The following MAPK6 variants were observed in gnomAD, a reference collection of about 807,000 sequenced individuals.
MAPK6 encodes ERK-3.
In MAPK6, 19 loss-of-function variants were observed where a neutral mutation model predicts 59.3. The observed-to-expected ratio is 0.32, with a 90% confidence interval of 0.22 to 0.47. The LOEUF is 0.47. MAPK6 is among the 20% of genes least tolerant of loss of function. MAPK6 has a pLI of 1.00. For synonymous variants in MAPK6, 316 were observed against 290.3 expected, an observed-to-expected ratio of 1.09 and a Z score of -0.90; for missense variants, 724 against 847.9, an observed-to-expected ratio of 0.85 and a Z score of 1.81.
At chr15:52,002,191 T>G (rs2057243971) in intron 2 of MAPK6, among the ~76,000 whole-genome samples, 1 of 152,220 alleles carries the variant, frequency 6.6e-6, no homozygotes, top group African/African-American at 2.4e-5. Context: ...AATAACCATA[T>G]AATCCCATTG....
chr15:52,016,070 GCACACACACACACACACACACA>G (rs1175427042), upstream of MAPK6, among the ~76,000 whole-genome samples: 7 of 55,392 alleles, frequency 1.3e-4, no homozygotes, highest in Admixed American at 1.4e-3. Flanking sequence ...GCGCGCGCGC[GCACACACACACACACACACACA>G]CACACACACA....
chr15:52,028,215 G>C (rs1253625290), intron 1 of MAPK6, among the ~76,000 whole-genome samples: 1 of 151,842 alleles, frequency 6.6e-6, no homozygotes, highest in Non-Finnish European at 1.5e-5. Context: ...GCCTCCCAAA[G>C]TGCTGGGATT....
At chr15:52,059,254 A>T (rs1215398607) in intron 4 of MAPK6, among the ~76,000 whole-genome samples, 3 of 152,308 alleles carry the variant, frequency 2.0e-5, no homozygotes, top group African/African-American at 7.2e-5. Flanking sequence ...CTGTCACAAC[A>T]TCCCTGTTCA....
At position 52,046,016 on chromosome 15, in the gene MAPK6, A is replaced by C. The variant is rs1365952087; in HGVS notation, c.-445A>C. 1 of 155,554 alleles carries C rather than the reference A, an allele frequency of 6.4e-6. No homozygotes were observed. Among genetic ancestry groups the C allele is most frequent in the African/African-American group, 2.4e-5 (1 of 41,478 alleles). The allele number at this position is 155,554 out of a possible 1,614,324, so 9.6% of individuals were successfully genotyped here. A position where few individuals can be genotyped will look rare whatever the true frequency, so the allele number is the denominator to read the frequency against. ...TAGTGCTTACCAGCACCTTAGAATGATGCTGCTCAGGACCAGTCCAACACT... is the reference window on the plus strand; with the variant it reads ...TAGTGCTTACCAGCACCTTAGAATGCTGCTGCTCAGGACCAGTCCAACACT... On this transcript the variant is annotated 5_prime_UTR_variant, in exon 2 of 6. The change abolishes an upstream ATG in the 5' untranslated region. Coordinates refer to ENST00000261845, the MANE Select transcript of MAPK6 (RefSeq NM_002748.4).
chr15:52,012,879 C>T (rs1026902712), intron 3 of MAPK6, among the ~76,000 whole-genome samples: 5 of 149,444 alleles, frequency 3.3e-5, no homozygotes, highest in South Asian at 4.2e-4. Context: ...CCCAGCTACT[C>T]GGGAGGATGA....
chr15:51,999,551 G>A (rs781505549), intron 2 of MAPK6, among the ~76,000 whole-genome samples: 2 of 151,918 alleles, frequency 1.3e-5, no homozygotes, highest in African/African-American at 2.4e-5. Flanking sequence ...TATATTATTT[G>A]CAAATATTTT....
In MAPK6 at chr15:52,064,931, T is replaced by A. The variant is rs762172614; in HGVS notation, c.2097T>A (p.Pro699=). ...PLKSIQATLT[P]SAMKSSPQIP... is the part of the protein sequence containing the mutation. ...AGTCAATACAGGCCACATTAACACCTTCTGCTATGAAATCTTCCCCTCAAA... is the reference window on the plus strand; with the variant it reads ...AGTCAATACAGGCCACATTAACACCATCTGCTATGAAATCTTCCCCTCAAA... Residue 699 remains proline (P), a synonymous_variant, in exon 6 of 6, where the codon CCT becomes CCA. Transcript: ENST00000261845. 4.3e-5 allele frequency: 69 copies of A among 1,611,704 alleles called. No homozygotes were observed. Among genetic ancestry groups the A allele is most frequent in the Non-Finnish European group, 5.4e-5 (64 of 1,179,722 alleles).
intron 1 of MAPK6, among the ~76,000 whole-genome samples, chr15:52,021,846 AAGAC>A (rs2030541536): frequency 6.6e-6 from 1 of 152,224 alleles, no homozygotes; most frequent in East Asian, 1.9e-4. Context: ...TGTTTTAATA[AAGAC>A]AATTTGAAAT....
chr15:52,036,606 C>T (rs545126804), intron 1 of MAPK6, among the ~76,000 whole-genome samples: 2 of 152,174 alleles, frequency 1.3e-5, no homozygotes, highest in Middle Eastern at 3.2e-3. Context: ...CTAACACTTG[C>T]ATTGAGGATT....
chr15:52,032,186 AT>A (rs566086048), intron 1 of MAPK6, among the ~76,000 whole-genome samples: 5,580 of 92,490 alleles, frequency 0.06, 124 homozygotes, highest in African/African-American at 0.1. Flanking sequence ...ACAATTTTTA[AT>A]TTTTTTTTTT....
intron 1 of MAPK6, among the ~76,000 whole-genome samples, chr15:51,973,249 C>G (rs553485619): frequency 3.1e-4 from 47 of 152,012 alleles, no homozygotes; most frequent in African/African-American, 1.1e-3. Context: ...CATAGATAAC[C>G]TGAAAACTAT....
intron 1 of MAPK6, among the ~76,000 whole-genome samples, chr15:52,043,405 C>G (rs1424515495): frequency 6.6e-6 from 1 of 151,660 alleles, no homozygotes; most frequent in Non-Finnish European, 1.5e-5. Flanking sequence ...CCAAGCGATT[C>G]TCTTGCCTCA....
rs762313465 is a variant in MAPK6, at chr15:52,030,793, AT to A, written c.-632+11433del. 3.1e-3 allele frequency among the ~76,000 whole-genome samples: 421 copies of A among 134,052 alleles called. 5 individuals are homozygous for A. Among genetic ancestry groups the A allele is most frequent in the Admixed American group, 4.1e-3 (55 of 13,364 alleles). 87.9% of individuals were successfully genotyped at this position (134,052 alleles called of 152,430 possible). A position where few individuals can be genotyped will look rare whatever the true frequency, so the allele number is the denominator to read the frequency against. On this transcript the variant is annotated intron_variant, in intron 1 of 5. Coordinates refer to ENST00000261845, the MANE Select transcript of MAPK6 (RefSeq NM_002748.4). ...AGGCGTGTGCCACCATGCCCAGCTA[AT>A]TTTTTTTTTTTTTTTGAGACAGGCT...
rs147538901 is a variant in MAPK6 at position 51,990,932 on chromosome 15, C to T, written c.-770+7617C>T. ...TCTGGCCACTCCACTGCAGCCTGGGCGACAGAGCAAGACTCTGTCTCAAAA... is the reference window on the plus strand; with the variant it reads ...TCTGGCCACTCCACTGCAGCCTGGGTGACAGAGCAAGACTCTGTCTCAAAA... On this transcript the variant is annotated intron_variant, in intron 2 of 7. Transcript: ENST00000691380. Among the ~76,000 whole-genome samples the T allele has an allele frequency of 1.4e-3, 206 of 152,000 alleles. 2 individuals carry two copies. Among genetic ancestry groups the T allele is most frequent in the South Asian group, 3.3e-3 (16 of 4,818 alleles).
chr15:51,996,800 C>T (rs1391694916), intron 2 of MAPK6, among the ~76,000 whole-genome samples: 2 of 152,054 alleles, frequency 1.3e-5, no homozygotes, highest in African/African-American at 4.8e-5. Context: ...TCAAATGATC[C>T]TCCTGCCTCA....
chr15:52,002,327 T>C (rs2057244384), intron 2 of MAPK6, among the ~76,000 whole-genome samples: 1 of 152,230 alleles, frequency 6.6e-6, no homozygotes, highest in African/African-American at 2.4e-5. Context: ...CCAGGGGTTA[T>C]CTGGGTTCCA....
chr15:51,982,120 C>CCGTT, intron 1 of MAPK6, among the ~76,000 whole-genome samples: 1 of 152,092 alleles, frequency 6.6e-6, no homozygotes, highest in East Asian at 1.9e-4. Flanking sequence ...TAGAAAGGAA[C>CCGTT]CACTAAAACA....
At chr15:51,978,375 C>G (rs1019011476) in intron 1 of MAPK6, among the ~76,000 whole-genome samples, 6 of 151,902 alleles carry the variant, frequency 3.9e-5, no homozygotes, top group African/African-American at 1.4e-4. Context: ...CTCAGGTGAT[C>G]CACCGGCCTT....
In MAPK6 at chr15:52,061,191, G is replaced by A. The variant is rs999430160; in HGVS notation, c.866-108G>A. On this transcript the variant is annotated intron_variant, in intron 4 of 5. Transcript: ENST00000261845. ...CATTTCCTGTTGTGTAGTATGTAGTGCTAAGGTAATCACTTAGCTAGTCAT... is the reference window on the plus strand; with the variant it reads ...CATTTCCTGTTGTGTAGTATGTAGTACTAAGGTAATCACTTAGCTAGTCAT... 1.3e-4 allele frequency: 104 copies of A among 814,652 alleles called. 1 individual carries two copies. The African/African-American group carries it at 1.6e-3, about 13-fold the overall frequency. 50.5% of individuals were successfully genotyped at this position (814,652 alleles called of 1,614,324 possible). A position where few individuals can be genotyped will look rare whatever the true frequency, so the allele number is the denominator to read the frequency against.
Sources: gnomAD v4.1 joint callset for allele counts (sites outside exome capture counted in the v4.1 genomes callset) on GRCh38, gnomAD v4.1.1 for gene constraint, MANE v1.5 for transcripts, NCBI Gene and HGNC (gene_info 2026-07-23, HGNC 2026-07-21) for gene names.